Variants in PRSS38 observed in about 807,000 individuals in gnomAD.
PRSS38 encodes the protein marapsin 2.
A neutral mutation model predicts 26.8 loss-of-function variants in PRSS38; 22 were observed. The ratio of observed to expected loss-of-function variants is 0.82; its 90% CI spans 0.59 to 1.17. The LOEUF is 1.17. PRSS38 is among the 50% of genes most tolerant of loss of function. The probability of loss-of-function intolerance (pLI) is 0.00; values close to 1 mark genes in which losing one functional copy is unlikely to be tolerated. For missense variants in PRSS38, 427 were observed against 422.7 expected (o/e 1.01, Z -0.09); for synonymous variants, 175 against 172.1 (o/e 1.02, Z -0.13).
intron 3 of PRSS38, among the ~76,000 whole-genome samples, chr1:227,833,977 A>T (rs2102681281): frequency 6.6e-6 from 1 of 152,252 alleles, no homozygotes; most frequent in East Asian, 1.9e-4. Flanking sequence ...TAAGATGAGG[A>T]TGTTAGGGTG....
chr1:227,835,892 T>G (rs749116289), intron 3 of PRSS38, among the ~76,000 whole-genome samples: 1 of 152,318 alleles, frequency 6.6e-6, no homozygotes, highest in Non-Finnish European at 1.5e-5. Context: ...TGCCACTGAT[T>G]TGTCTGCTTT....
Position 227,816,232 on chromosome 1 carries a change from A to G in PRSS38, c.291A>G (p.Ser97=), listed in dbSNP as rs1243468929. 6.2e-7 allele frequency: 1 copy of G among 1,612,464 alleles called. No individual in the cohort carries two copies. Among genetic ancestry groups the G allele is most frequent in the African/African-American group, 1.3e-5 (1 of 74,892 alleles). The change falls in exon 2 of 5, where the codon TCA becomes TCG. Residue 97 remains serine (S), a synonymous_variant. Coordinates refer to ENST00000366757, the Ensembl canonical transcript of PRSS38. The surrounding 1 kb of genome is among the most constrained non-coding windows in gnomAD (Gnocchi z 5.1). Reference sequence around the variant, plus strand: ...TCCTCAATGAGTACTGGGTGCTGTCAGCTGCGCACTGCTTTCACAGGTAAG... The same window carrying G: ...TCCTCAATGAGTACTGGGTGCTGTCGGCTGCGCACTGCTTTCACAGGTAAG...
Position 227,816,102 on chromosome 1 carries a change from C to G in PRSS38, c.161C>G (p.Pro54Arg), listed in dbSNP as rs1664909035. ...GTTCTCCCTGCAGCCTGTGGTCGGC[C>G]CAGCATGGAGGGGAAAATCCTGGGC... The change falls in exon 2 of 5, where the codon CCC becomes CGC. Residue 54 changes from proline (P) to arginine (R), a missense_variant. Transcript: ENST00000366757. The surrounding 1 kb of genome is among the most constrained non-coding windows in gnomAD (Gnocchi z 5.1). 6.2e-7 allele frequency: 1 copy of G among 1,612,974 alleles called. No homozygotes were observed. The highest frequency in any genetic ancestry group is 8.5e-7 in the Non-Finnish European group (1 of 1,179,614).
At chr1:227,845,979 G>A (rs1337431303) in exon 5 of PRSS38, 2 of 1,614,076 alleles carry the variant, frequency 1.2e-6, no homozygotes, top group Non-Finnish European at 8.5e-7. Context: ...CCACTTGTCT[G>A]TGAATTCAAC....
chr1:227,817,560 AG>A, intron 3 of PRSS38, 80 bp downstream of exon 3: 1 of 1,459,202 alleles, frequency 6.9e-7, no homozygotes, highest in South Asian at 1.3e-5. Context: ...CTGCCAGCTA[AG>A]GGGGTCCAGG....
At chr1:227,818,701 G>C (rs545405425) in intron 3 of PRSS38, among the ~76,000 whole-genome samples, 1 of 116,530 alleles carries the variant, frequency 8.6e-6, no homozygotes, top group East Asian at 2.5e-4. Flanking sequence ...AAAAAAAAAC[G>C]TATTTAATGT....
At chr1:227,821,895 CA>C (rs1378756409) in intron 3 of PRSS38, among the ~76,000 whole-genome samples, 1 of 152,006 alleles carries the variant, frequency 6.6e-6, no homozygotes, top group Non-Finnish European at 1.5e-5. Context: ...AATTTTGGAC[CA>C]TTATTTCTTC....
At chr1:227,837,248 A>G (rs539016055) in intron 3 of PRSS38, among the ~76,000 whole-genome samples, 7 of 152,366 alleles carry the variant, frequency 4.6e-5, no homozygotes, top group African/African-American at 1.7e-4. Context: ...CAGTCTCCCC[A>G]GGTGACAAAT....
At chr1:227,837,979 C>T (rs1196916537) in intron 3 of PRSS38, among the ~76,000 whole-genome samples, 2 of 152,096 alleles carry the variant, frequency 1.3e-5, no homozygotes, top group African/African-American at 4.8e-5. Context: ...TGGTTTCAAA[C>T]TTCTGGCCTC....
chr1:227,827,446 C>A (rs897861427), intron 3 of PRSS38, among the ~76,000 whole-genome samples: 3 of 151,768 alleles, frequency 2.0e-5, no homozygotes, highest in Admixed American at 6.6e-5. Flanking sequence ...TTTCTAGTTT[C>A]TTTTCTAGAT....
intron 3 of PRSS38, among the ~76,000 whole-genome samples, chr1:227,836,282 T>C (rs1482647846): frequency 6.6e-6 from 1 of 152,056 alleles, no homozygotes; most frequent in Admixed American, 6.6e-5. Context: ...TTATTTTTTG[T>C]AGAGATGGGG....
At chr1:227,838,194 A>G (rs574073574) in intron 3 of PRSS38, among the ~76,000 whole-genome samples, 2 of 152,366 alleles carry the variant, frequency 1.3e-5, no homozygotes, top group East Asian at 3.9e-4. Flanking sequence ...TGCCTATTGT[A>G]AGTTTACAAA....
intron 3 of PRSS38, among the ~76,000 whole-genome samples, chr1:227,824,392 G>T (rs1027457219): frequency 6.6e-6 from 1 of 152,130 alleles, no homozygotes; most frequent in Non-Finnish European, 1.5e-5. Flanking sequence ...ACCCTGAAAA[G>T]GACATGATCT....
At chr1:227,843,572 C>T (rs1311900432) in intron 3 of PRSS38, among the ~76,000 whole-genome samples, 1 of 151,894 alleles carries the variant, frequency 6.6e-6, no homozygotes, top group Admixed American at 6.6e-5. Flanking sequence ...TGTGGTGGCG[C>T]ATGCCTGTAA....
At position 227,835,324 on chromosome 1, in the gene PRSS38, C is replaced by T. The variant is rs537589108; in HGVS notation, c.584-10146C>T. ...CTGCTCATCTTTAATCCCGGCACTT[C>T]GGGAGGCCAAGGCAGGAGGATTGCT... On this transcript the variant is annotated intron_variant, in intron 3 of 4. Transcript: ENST00000366757. 7.9e-5 allele frequency among the ~76,000 whole-genome samples: 12 copies of T among 152,268 alleles called. No homozygotes were observed. In the East Asian group the frequency reaches 1.7e-3, roughly 22 times the overall value.
intron 3 of PRSS38, 99 bp downstream of exon 3, chr1:227,817,579 G>A: frequency 1.6e-6 from 2 of 1,220,802 alleles, no homozygotes; most frequent in South Asian, 2.9e-5. Flanking sequence ...AGGTGTTTGG[G>A]GACTGGAATC....
chr1:227,821,676 CCTT>C (rs1237917820), intron 3 of PRSS38, among the ~76,000 whole-genome samples: 1 of 152,132 alleles, frequency 6.6e-6, no homozygotes. Flanking sequence ...CTTCTGATCT[CCTT>C]AGTTTTTTAT....
exon 5 of PRSS38, chr1:227,846,024 G>A (rs1395029712): frequency 6.2e-7 from 1 of 1,614,070 alleles, no homozygotes; most frequent in Non-Finnish European, 8.5e-7. Context: ...GTGAGCTGGG[G>A]CCGAGGCTGC....
intron 3 of PRSS38, among the ~76,000 whole-genome samples, chr1:227,840,363 TCCTCCTG>T (rs1314198444): frequency 6.6e-6 from 1 of 152,056 alleles, no homozygotes; most frequent in Non-Finnish European, 1.5e-5. Context: ...GCTCAAGCGA[TCCTCCTG>T]CCTCAGTCTC....
Sources: allele counts gnomAD v4.1 joint callset (sites outside exome capture counted in the v4.1 genomes callset), GRCh38; gene constraint gnomAD v4.1.1; non-coding constraint Gnocchi (gnomAD v3.1); transcripts MANE v1.5; gene names NCBI Gene and HGNC (gene_info 2026-07-23, HGNC 2026-07-21).